The following HYDIN variants were observed in gnomAD, a reference collection of about 807,000 sequenced individuals.
The protein encoded by HYDIN is axonemal central pair apparatus protein HYDIN.
A neutral mutation model predicts 403.9 loss-of-function variants in HYDIN; 132 were observed. The ratio of observed to expected loss-of-function variants is 0.33; its 90% CI spans 0.28 to 0.38. The LOEUF (loss-of-function observed/expected upper bound fraction) is 0.38, where lower values mean the gene tolerates loss of function less well. Among genes scored for constraint, HYDIN ranks in the 10% least tolerant of loss-of-function variants. The probability of loss-of-function intolerance (pLI) is 1.00; values close to 1 mark genes in which losing one functional copy is unlikely to be tolerated. For synonymous variants in HYDIN, 1,202 were observed against 1,891.7 expected (o/e 0.64, Z 9.46); for missense variants, 2,827 against 5,009.5 (o/e 0.56, Z 13.15).
intron 1 of HYDIN, among the ~76,000 whole-genome samples, chr16:71,195,324 A>G (rs1304694978): frequency 1.3e-5 from 2 of 152,112 alleles, no homozygotes; most frequent in South Asian, 2.1e-4. Context: ...GCTTTCTGGA[A>G]GTAAATGTGA....
Position 71,220,683 on chromosome 16 carries a change from A to G in HYDIN, c.-24+9879T>C, listed in dbSNP as rs528441114. Among the ~76,000 whole-genome samples the G allele has an allele frequency of 3.3e-4, 51 of 152,340 alleles. No individual in the cohort carries two copies. The South Asian group carries it at 8.7e-3, about 26-fold the overall frequency. On this transcript the variant is annotated intron_variant, in intron 1 of 85. Transcript: ENST00000393567. The stretch of plus-strand genomic sequence containing the variant: ...TAAATGATTCAATACAAAAATTATT[A>G]AGAATAGTTACCTCTGGGGAACCAG...
At chr16:71,107,459 C>A (rs1350045064) in intron 10 of HYDIN, among the ~76,000 whole-genome samples, 1 of 150,506 alleles carries the variant, frequency 6.6e-6, no homozygotes, top group Non-Finnish European at 1.5e-5. Context: ...CTATAAGGAA[C>A]TTAAACCAAT....
intron 62 of HYDIN, among the ~76,000 whole-genome samples, chr16:70,878,151 A>T (rs2040560037): frequency 6.6e-6 from 1 of 152,108 alleles, no homozygotes; most frequent in South Asian, 2.1e-4. Context: ...TGTTCTCCTG[A>T]TAGTGAATAA....
chr16:70,834,901 TAC>T (rs527841442), intron 78 of HYDIN, among the ~76,000 whole-genome samples: 9 of 146,210 alleles, frequency 6.2e-5, no homozygotes, highest in Admixed American at 1.4e-4. Flanking sequence ...TATATATATA[TAC>T]ACACACACAT....
intron 12 of HYDIN, among the ~76,000 whole-genome samples, chr16:71,085,140 C>A (rs1179692946): frequency 3.2e-5 from 3 of 93,974 alleles, no homozygotes; most frequent in African/African-American, 4.4e-5. Flanking sequence ...GTGTTCCCAC[C>A]TTCTTATTTT....
rs753213933 is a variant in HYDIN at position 71,064,851 on chromosome 16, G to A, written c.2076-11C>T. 8 of 1,607,592 alleles carry A rather than the reference G, an allele frequency of 5.0e-6. No homozygotes were observed. The Admixed American group carries it at 6.8e-5, about 14-fold the overall frequency. Reference sequence around the variant, plus strand: ...GCAGGTACAACACACCTGCTCGGAGGAGCCCATCACACAATTCAAAACAGA... The same window carrying A: ...GCAGGTACAACACACCTGCTCGGAGAAGCCCATCACACAATTCAAAACAGA... On this transcript the variant is annotated splice_polypyrimidine_tract_variant and intron_variant, in intron 15 of 85. Coordinates refer to ENST00000393567, the MANE Select transcript of HYDIN (RefSeq NM_001270974.2).
intron 16 of HYDIN, chr16:71,062,554 T>C: frequency 4.2e-6 from 2 of 479,310 alleles, no homozygotes; most frequent in Non-Finnish European, 7.4e-6. Flanking sequence ...CACAGCAAGA[T>C]GCAGAATTAT....
chr16:70,896,512 T>C (rs148236134), intron 53 of HYDIN, among the ~76,000 whole-genome samples: 2 of 152,068 alleles, frequency 1.3e-5, no homozygotes, highest in East Asian at 3.9e-4. Context: ...ATCATCATGC[T>C]TGGCTAATTT....
intron 60 of HYDIN, among the ~76,000 whole-genome samples, chr16:70,881,803 G>A (rs1416520031): frequency 6.6e-6 from 1 of 152,228 alleles, no homozygotes; most frequent in Admixed American, 6.5e-5. Flanking sequence ...TGTGAACAAT[G>A]CCAGCTCTGG....
At chr16:71,161,267 T>C (rs553824147) in intron 6 of HYDIN, among the ~76,000 whole-genome samples, 23 of 152,080 alleles carry the variant, frequency 1.5e-4, no homozygotes, top group African/African-American at 5.5e-4. Context: ...GCGGCTGATC[T>C]GACAGGAGGC....
chr16:71,217,866 G>A (rs972308705), intron 1 of HYDIN, among the ~76,000 whole-genome samples: 1 of 152,122 alleles, frequency 6.6e-6, no homozygotes, highest in African/African-American at 2.4e-5. Flanking sequence ...TCCAAGAGAG[G>A]GACCACTGGC....
chr16:70,938,148 C>T (rs1282347959), intron 44 of HYDIN, among the ~76,000 whole-genome samples: 2 of 152,220 alleles, frequency 1.3e-5, no homozygotes, highest in Admixed American at 1.3e-4. Flanking sequence ...AAGAAGGGGA[C>T]CCAGGCAGGG....
chr16:71,102,321 T>C (rs2083481194), intron 10 of HYDIN, among the ~76,000 whole-genome samples: 3 of 152,072 alleles, frequency 2.0e-5, no homozygotes, highest in Admixed American at 2.0e-4. Flanking sequence ...AACTATATAA[T>C]ACAAATATTA....
chr16:70,967,795 C>T (rs1470680309), intron 36 of HYDIN, among the ~76,000 whole-genome samples: 5 of 152,120 alleles, frequency 3.3e-5, no homozygotes, highest in East Asian at 1.9e-4. Flanking sequence ...CTATGTTGCC[C>T]AGGCTGGGCT....
Position 70,981,511 on chromosome 16 carries a change from G to A in HYDIN, c.4390C>T (p.Pro1464Ser), listed in dbSNP as rs534648716. ...VLKVYYLPGV[P>S]EVFKRSFQIQ... is the part of the protein sequence containing the mutation. ...TGGAAACTCCTTTTAAAGACCTCAG[G>A]TACTCCAGGTAGGTAGTAAACTTTT... Residue 1464 changes from proline to serine, a missense_variant, in exon 29 of 86, where the codon CCT (proline) becomes TCT (serine). Transcript: ENST00000393567. The A allele has an allele frequency of 8.6e-5, 138 of 1,613,518 alleles. 1 individual carries two copies. The South Asian group carries it at 1.2e-3, about 14-fold the overall frequency.
chr16:70,892,375 C>G lies in HYDIN; in HGVS notation c.9403G>C (p.Val3135Leu). Residue 3135 changes from valine (V) to leucine (L), a missense_variant, in exon 56 of 86, where the codon GTT (valine) becomes CTT (leucine). Coordinates refer to ENST00000393567, the MANE Select transcript of HYDIN (RefSeq NM_001270974.2). ...AGCTCTCTTACCTGACAGCGCAGAA[C>G]AGGCTGGTGCTCAATCTTCACTTCC... ...KKEVKIEHQP[V>L]LRCQIIEPNI... 1.3e-6 allele frequency: 2 copies of G among 1,563,354 alleles called. No individual in the cohort carries two copies. The highest frequency in any genetic ancestry group is 1.7e-6 in the Non-Finnish European group (2 of 1,158,990).
intron 7 of HYDIN, among the ~76,000 whole-genome samples, chr16:71,145,251 T>A (rs1158124804): frequency 6.6e-6 from 1 of 151,752 alleles, no homozygotes; most frequent in Non-Finnish European, 1.5e-5. Flanking sequence ...TTTCTATGAA[T>A]GATTAATTTT....
rs2079375588 is a variant in HYDIN at position 70,992,148 on chromosome 16, G to T, written c.3707C>A (p.Ala1236Glu). Residue 1236 changes from alanine to glutamate, a missense_variant, in exon 24 of 86, where the codon GCA (alanine) becomes GAA (glutamate). Ala to Glu is a moderately radical substitution (Grantham distance 107). Transcript: ENST00000393567. ...APVSQMESIP[A>E]TSEAASPPAI... is the part of the protein sequence containing the mutation. ...TGGTGGGCTGGCAGCCTCTGAGGTT[G>T]CTGGGATGGACTCCATCTGGGACAC... 6.2e-7 allele frequency: 1 copy of T among 1,612,002 alleles called. No individual in the cohort carries two copies. The highest frequency in any genetic ancestry group is 1.3e-5 in the African/African-American group (1 of 74,872).
At chr16:71,189,596 C>A (rs762779433) in intron 1 of HYDIN, among the ~76,000 whole-genome samples, 1 of 151,740 alleles carries the variant, frequency 6.6e-6, no homozygotes, top group Non-Finnish European at 1.5e-5. Flanking sequence ...TGAAACCCTG[C>A]CTCTACTAAA....
Sources: allele counts gnomAD v4.1 joint callset (sites outside exome capture counted in the v4.1 genomes callset), GRCh38; gene constraint gnomAD v4.1.1; transcripts MANE v1.5; gene names NCBI Gene and HGNC (gene_info 2026-07-23, HGNC 2026-07-21).